The following MAN1A2 variants were observed in gnomAD, a reference collection of about 807,000 sequenced individuals.
MAN1A2 encodes the protein mannosyl-oligosaccharide 1,2-alpha-mannosidase IB.
A neutral mutation model predicts 75.7 loss-of-function variants in MAN1A2; 26 were observed. The observed-to-expected ratio is 0.34, with a 90% confidence interval of 0.25 to 0.48. The LOEUF is 0.48. Ranked by LOEUF, MAN1A2 falls within the 20% of genes least tolerant of loss-of-function variation. The pLI, the probability that MAN1A2 is intolerant of heterozygous loss-of-function variation, is 0.99. For missense variants in MAN1A2, 562 were observed against 775.5 expected (o/e 0.72, Z 3.27); for synonymous variants, 247 against 264.6 (o/e 0.93, Z 0.65).
chr1:117,451,173 T>A (rs959483795), intron 6 of MAN1A2, among the ~76,000 whole-genome samples: 1 of 152,226 alleles, frequency 6.6e-6, no homozygotes, highest in Non-Finnish European at 1.5e-5. Flanking sequence ...CAGTGTGACC[T>A]GGATGTGAGA....
At chr1:117,495,926 T>A (rs1240697673) in intron 9 of MAN1A2, among the ~76,000 whole-genome samples, 1 of 151,926 alleles carries the variant, frequency 6.6e-6, no homozygotes, top group Non-Finnish European at 1.5e-5. Flanking sequence ...AAGAGCACCA[T>A]TCATTTATGA....
At chr1:117,521,873 A>G (rs1306969648) in intron 12 of MAN1A2, among the ~76,000 whole-genome samples, 1 of 151,904 alleles carries the variant, frequency 6.6e-6, no homozygotes, top group Non-Finnish European at 1.5e-5. Flanking sequence ...AATTAACAGC[A>G]TTTGCAGTGA....
intron 1 of MAN1A2, among the ~76,000 whole-genome samples, chr1:117,387,521 C>T (rs1653574922): frequency 6.6e-6 from 1 of 152,154 alleles, no homozygotes; most frequent in African/African-American, 2.4e-5. Flanking sequence ...TGGTGTGGAT[C>T]ATTCCGTATC....
chr1:117,506,863 A>T (rs547347625), intron 12 of MAN1A2, among the ~76,000 whole-genome samples: 31 of 151,518 alleles, frequency 2.0e-4, no homozygotes, highest in Non-Finnish European at 4.0e-4. Context: ...ACAAACCTGA[A>T]TATCTAATTA....
intron 5 of MAN1A2, among the ~76,000 whole-genome samples, chr1:117,435,050 GA>G (rs758574224): frequency 2.0e-5 from 3 of 151,970 alleles, no homozygotes; most frequent in Admixed American, 6.6e-5. Flanking sequence ...TACTAGATTA[GA>G]GGGGGAAGAT....
intron 3 of MAN1A2, among the ~76,000 whole-genome samples, chr1:117,407,087 G>A (rs1225236113): frequency 1.3e-5 from 2 of 151,650 alleles, no homozygotes; most frequent in African/African-American, 2.4e-5. Context: ...TCTATTCTGC[G>A]AAGAAAATTA....
intron 6 of MAN1A2, among the ~76,000 whole-genome samples, chr1:117,459,464 A>C (rs771147818): frequency 6.6e-6 from 1 of 152,216 alleles, no homozygotes; most frequent in Admixed American, 6.5e-5. Flanking sequence ...CTGGCTTCCA[A>C]CTGAAATTCC....
chr1:117,369,579 T>C (rs1259946867), intron 1 of MAN1A2, among the ~76,000 whole-genome samples: 3 of 152,246 alleles, frequency 2.0e-5, no homozygotes, highest in African/African-American at 7.2e-5. Context: ...TTTCTCAACC[T>C]AGTTAATTCA....
intron 12 of MAN1A2, among the ~76,000 whole-genome samples, chr1:117,520,265 G>A (rs1246732850): frequency 6.6e-6 from 1 of 152,046 alleles, no homozygotes; most frequent in Non-Finnish European, 1.5e-5. Context: ...ACTGGAACAA[G>A]ACAAGGATGC....
intron 4 of MAN1A2, among the ~76,000 whole-genome samples, chr1:117,418,114 G>T (rs1319343978): frequency 6.6e-6 from 1 of 152,058 alleles, no homozygotes; most frequent in East Asian, 1.9e-4. Flanking sequence ...TGTCATTGTT[G>T]TCTAGTTGAT....
chr1:117,482,335 C>T (rs12728879), intron 8 of MAN1A2, among the ~76,000 whole-genome samples: 20,046 of 152,044 alleles, frequency 0.13, 1,506 homozygotes, highest in Admixed American at 0.22. Flanking sequence ...CTCCCACCAA[C>T]AGTGTAAAAG....
At chr1:117,493,932 T>C (rs1404221411) in intron 9 of MAN1A2, 1 of 152,180 alleles carries the variant, frequency 6.6e-6, no homozygotes, top group Non-Finnish European at 1.5e-5. Flanking sequence ...CCCTTGAATC[T>C]ACACATTGAG....
intron 8 of MAN1A2, among the ~76,000 whole-genome samples, chr1:117,476,363 TAGATCCCATTTGTC>T (rs1650314626): frequency 6.6e-6 from 1 of 152,158 alleles, no homozygotes; most frequent in South Asian, 2.1e-4. Flanking sequence ...TTAGTTGAAT[TAGATCCCATTTGTC>T]AGTTTGGGCT....
intron 1 of MAN1A2, among the ~76,000 whole-genome samples, chr1:117,371,055 A>G (rs1652946616): frequency 6.6e-6 from 1 of 152,142 alleles, no homozygotes; most frequent in African/African-American, 2.4e-5. Context: ...AGATTGTTTT[A>G]TTGAAAGAGA....
Position 117,405,690 on chromosome 1 carries a change from T to A in MAN1A2, c.655+45T>A. 3 of 1,060,066 alleles carry A rather than the reference T, an allele frequency of 2.8e-6. No homozygotes were observed. The South Asian group carries it at 3.9e-5, about 14-fold the overall frequency. 65.7% of individuals were successfully genotyped at this position (1,060,066 alleles called of 1,614,324 possible). Reference sequence around the variant, plus strand: ...TTACTATTTCCATTTTCTACCTCCATCTTTTAAAACAAGATGTAACTTTTC... The same window carrying A: ...TTACTATTTCCATTTTCTACCTCCAACTTTTAAAACAAGATGTAACTTTTC... On this transcript the variant is annotated intron_variant, in intron 3 of 12. Coordinates refer to ENST00000356554, the MANE Select transcript of MAN1A2 (RefSeq NM_006699.5).
intron 5 of MAN1A2, among the ~76,000 whole-genome samples, chr1:117,441,652 A>G (rs1649037970): frequency 6.6e-6 from 1 of 152,188 alleles, no homozygotes; most frequent in East Asian, 1.9e-4. Flanking sequence ...ATATGATTTT[A>G]AAAGTTTGGA....
chr1:117,484,260 C>G (rs908599795), intron 8 of MAN1A2, among the ~76,000 whole-genome samples: 1 of 151,878 alleles, frequency 6.6e-6, no homozygotes. Flanking sequence ...CAGTACTGTA[C>G]TGTGTTTATT....
intron 5 of MAN1A2, among the ~76,000 whole-genome samples, chr1:117,428,340 C>T (rs963251118): frequency 2.6e-5 from 4 of 151,950 alleles, no homozygotes; most frequent in Admixed American, 2.0e-4. Context: ...GTCTTGAACT[C>T]CTGGGCTCAA....
chr1:117,412,301 G>A (rs1253774619), intron 3 of MAN1A2, among the ~76,000 whole-genome samples: 1 of 151,274 alleles, frequency 6.6e-6, no homozygotes, highest in East Asian at 1.9e-4. Context: ...GAATAAAATG[G>A]GCCTTTTATA....
Sources: allele counts gnomAD v4.1 joint callset (sites outside exome capture counted in the v4.1 genomes callset), GRCh38; gene constraint gnomAD v4.1.1; transcripts MANE v1.5; gene names NCBI Gene and HGNC (gene_info 2026-07-23, HGNC 2026-07-21).